The following TTC16 variants were observed in gnomAD, a reference collection of about 807,000 sequenced individuals.
The protein encoded by TTC16 is tetratricopeptide repeat domain 16.
Under a neutral mutation model 80.4 loss-of-function variants are expected in TTC16, and 66 were observed. The ratio of observed to expected loss-of-function variants is 0.82; its 90% CI spans 0.67 to 1.01. The LOEUF (loss-of-function observed/expected upper bound fraction) is 1.01. Ranked by LOEUF, TTC16 falls within the 50% of genes least tolerant of loss-of-function variation. The probability of loss-of-function intolerance (pLI) is 0.00; values close to 1 mark genes in which losing one functional copy is unlikely to be tolerated. For missense variants in TTC16, 1,070 were observed against 1,103.2 expected, an observed-to-expected ratio of 0.97 and a Z score of 0.43; for synonymous variants, 438 against 451.3, an observed-to-expected ratio of 0.97 and a Z score of 0.37.
At chr9:127,725,008 C>T (rs1427749752) in intron 9 of TTC16, 111 bp downstream of exon 9, 3 of 1,310,204 alleles carry the variant, frequency 2.3e-6, no homozygotes, top group Non-Finnish European at 3.0e-6. Context: ...TCCTCGGGGG[C>T]GATGGCTCAT....
Position 127,716,160 on chromosome 9 carries a change from C to G in TTC16, c.15C>G (p.Asp5Glu). The change falls in exon 1 of 14, where the codon GAC (aspartate) becomes GAG (glutamate). Residue 5 changes from aspartate (D) to glutamate (E), a missense_variant. Physicochemically the swap from Asp to Glu is conservative, Grantham distance 45. Coordinates refer to ENST00000373289, the MANE Select transcript of TTC16 (RefSeq NM_144965.3). Reference sequence around the variant, plus strand: ...GAAGGGGCCTCATGACAGATTCGGACGAGGTGCGGGCTTGGGAGAAGACTA... The same window carrying G: ...GAAGGGGCCTCATGACAGATTCGGAGGAGGTGCGGGCTTGGGAGAAGACTA... Reference protein sequence around the residue: MTDSDEDALKVDQGP... With the variant: MTDSEEDALKVDQGP... 1 of 1,613,896 alleles carries G rather than the reference C, an allele frequency of 6.2e-7. No individual in the cohort carries two copies. Among genetic ancestry groups the G allele is most frequent in the East Asian group, 2.2e-5 (1 of 44,884 alleles).
At chr9:127,717,515 A>G in intron 3 of TTC16, 91 bp downstream of exon 3, 1 of 1,569,464 alleles carries the variant, frequency 6.4e-7, no homozygotes, top group Non-Finnish European at 8.7e-7. Context: ...TCTCAGGGCC[A>G]CCAAGTCCCT....
At position 127,723,973 on chromosome 9, in the gene TTC16, CA is replaced by C. The variant is rs1588440858; in HGVS notation, c.873-144del. On this transcript the variant is annotated intron_variant, in intron 7 of 13. Coordinates refer to ENST00000373289, the MANE Select transcript of TTC16 (RefSeq NM_144965.3). ...GCAGTCCAGAGCTGGCCCCACGGGA[CA>C]AACCTAGCAAATGAGGTGGGATCCC... 2.5e-6 allele frequency: 3 copies of C among 1,179,376 alleles called. No homozygotes were observed. In the African/African-American group the frequency reaches 4.7e-5, roughly 18 times the overall value. The allele number at this position is 1,179,376 out of a possible 1,614,324, so 73.1% of individuals were successfully genotyped here.
rs1564373754 is a variant in TTC16, at chr9:127,716,176, GAGA to G, written c.18+17_18+19del. The G allele has an allele frequency of 6.2e-7, 1 of 1,613,926 alleles. No individual in the cohort carries two copies. The highest frequency in any genetic ancestry group is 2.2e-5 in the East Asian group (1 of 44,878). ...AGATTCGGACGAGGTGCGGGCTTGG[GAGA>G]AGACTAACGCAAAGGCAGAGGGCCA... On this transcript the variant is annotated intron_variant, in intron 1 of 13. Transcript: ENST00000373289.
At chr9:127,724,465 G>A in intron 8 of TTC16, 101 bp downstream of exon 8, 1 of 1,454,074 alleles carries the variant, frequency 6.9e-7, no homozygotes, top group Non-Finnish European at 9.3e-7. Flanking sequence ...GAAGGAGGAA[G>A]GGAGAGAGGA....
In TTC16 at chr9:127,723,296, G is replaced by A. The variant is rs776492103; in HGVS notation, c.835G>A (p.Glu279Lys). Residue 279 changes from glutamate to lysine, a missense_variant, in exon 7 of 14, where the codon GAG becomes AAG. Physicochemically the swap from Glu to Lys is moderately conservative, Grantham distance 56. Transcript: ENST00000373289. ...ACTGCAGCGGATCAACCGTGCCATC[G>A]AGAACAACCCTCTGGACCCCAGTCT... ...HALQRINRAIENNPLDPSLFL... is the reference protein window; with the variant it reads ...HALQRINRAIKNNPLDPSLFL... 12 of 1,612,904 alleles carry A rather than the reference G, an allele frequency of 7.4e-6. No homozygotes were observed. Among genetic ancestry groups the A allele is most frequent in the East Asian group, 2.2e-5 (1 of 44,854 alleles).
intron 2 of TTC16, 98 bp from the exon 3 acceptor site, chr9:127,717,236 C>A: frequency 7.6e-7 from 1 of 1,309,006 alleles, no homozygotes; most frequent in Non-Finnish European, 1.1e-6. Flanking sequence ...GCCTCTCCAC[C>A]CAGCTCCCTT....
At position 127,730,624 on chromosome 9, in the gene TTC16, C is replaced by T. The variant is rs369041496; in HGVS notation, c.1853-12C>T. On this transcript the variant is annotated splice_polypyrimidine_tract_variant and intron_variant, in intron 13 of 13. Transcript: ENST00000373289. The stretch of plus-strand genomic sequence containing the variant: ...GCAGGCCTGATGGGTGCTTTTGGCA[C>T]CCCCTTCCTAGTCAGGACCACAGGC... 1.1e-4 allele frequency: 184 copies of T among 1,609,072 alleles called. No individual in the cohort carries two copies. The highest frequency in any genetic ancestry group is 1.5e-4 in the Non-Finnish European group (180 of 1,178,594).
intron 9 of TTC16, 49 bp downstream of exon 9, chr9:127,724,946 G>A: frequency 2.1e-6 from 3 of 1,444,970 alleles, no homozygotes; most frequent in East Asian, 5.1e-5. Context: ...CCGAGGGCAG[G>A]GCGGGCAGGA....
rs768631733 is a variant in TTC16, at chr9:127,730,846, C to T, written c.2063C>T (p.Thr688Ile). The T allele has an allele frequency of 5.0e-6, 8 of 1,613,304 alleles. No homozygotes were observed. In the Admixed American group the frequency reaches 1.2e-4, roughly 24 times the overall value. The change falls in exon 14 of 14, where the codon ACC (threonine) becomes ATC (isoleucine). Residue 688 changes from threonine (T) to isoleucine (I), a missense_variant. Coordinates refer to ENST00000373289, the MANE Select transcript of TTC16 (RefSeq NM_144965.3). Reference protein sequence around the residue: ...QRQSLSKTEPTQSQRRNSSKT... With the variant: ...QRQSLSKTEPIQSQRRNSSKT... ...CAGAGCCTTAGCAAGACTGAGCCCACCCAGAGCCAGAGGCGGAACTCCAGC... is the reference window on the plus strand; with the variant it reads ...CAGAGCCTTAGCAAGACTGAGCCCATCCAGAGCCAGAGGCGGAACTCCAGC...
In TTC16 at chr9:127,716,142, C is replaced by T. The variant is rs113867904; in HGVS notation, c.-4C>T. The T allele has an allele frequency of 7.0e-5, 113 of 1,613,952 alleles. 2 individuals carry two copies. The African/African-American group carries it at 9.9e-4, about 14-fold the overall frequency. On this transcript the variant is annotated 5_prime_UTR_variant, in exon 1 of 14. Coordinates refer to ENST00000373289, the MANE Select transcript of TTC16 (RefSeq NM_144965.3). Reference sequence around the variant, plus strand: ...GGCCTCGGGGTCCTCCTGGAAGGGGCCTCATGACAGATTCGGACGAGGTGC... The same window carrying T: ...GGCCTCGGGGTCCTCCTGGAAGGGGTCTCATGACAGATTCGGACGAGGTGC...
At chr9:127,723,470 T>C in intron 7 of TTC16, 137 bp downstream of exon 7, 1 of 834,486 alleles carries the variant, frequency 1.2e-6, no homozygotes, top group Non-Finnish European at 1.9e-6. Context: ...CCCTACTTCC[T>C]ACTGGGTTAA....
Position 127,731,007 on chromosome 9 carries a change from C to A in TTC16, c.2224C>A (p.Gln742Lys). 1 of 1,613,032 alleles carries A rather than the reference C, an allele frequency of 6.2e-7. No homozygotes were observed. ...SSSKTEATQGQRQSSSEIEAT... is the reference protein window; with the variant it reads ...SSSKTEATQGKRQSSSEIEAT... ...CAGCAAGACTGAGGCCACTCAGGGC[C>A]AGAGGCAGAGCTCCAGCGAGATTGA... Residue 742 changes from glutamine (Q) to lysine (K), a missense_variant, in exon 14 of 14, where the codon CAG becomes AAG. Physicochemically the swap from Gln to Lys is moderately conservative, Grantham distance 53. Transcript: ENST00000373289.
At chr9:127,729,447 T>C (rs555022) in intron 12 of TTC16, 134 bp from the exon 13 acceptor site, 418,657 of 694,674 alleles carry the variant, frequency 0.6, 128,726 homozygotes, top group African/African-American at 0.75. Flanking sequence ...CCCACCCCAC[T>C]CTAACCTGGC....
rs1217028703 is a variant in TTC16, at chr9:127,723,200, A to G, written c.739A>G (p.Met247Val). The G allele has an allele frequency of 6.2e-7, 1 of 1,612,828 alleles. No homozygotes were observed. The highest frequency in any genetic ancestry group is 1.7e-5 in the Admixed American group (1 of 60,026). Reference protein sequence around the residue: ...HPQARMLLQKMVAQAQQARQD... With the variant: ...HPQARMLLQKVVAQAQQARQD... ...GCAGGCCAGGATGCTGCTCCAGAAG[A>G]TGGTGGCCCAGGCCCAGCAGGCGCG... The change falls in exon 7 of 14, where the codon ATG (methionine) becomes GTG (valine). Residue 247 changes from methionine (M) to valine (V), a missense_variant. By Grantham distance (21) the Met-to-Val change is conservative. Transcript: ENST00000373289.
intron 1 of TTC16, 31 bp from the exon 2 acceptor site, chr9:127,716,813 C>A (rs1455466512): frequency 1.3e-6 from 2 of 1,587,260 alleles, no homozygotes; most frequent in Admixed American, 3.4e-5. Context: ...GTCTCGGGGG[C>A]CTGCTCCAGC....
chr9:127,719,858 C>G (rs1461444965), intron 4 of TTC16, among the ~76,000 whole-genome samples: 1 of 151,988 alleles, frequency 6.6e-6, no homozygotes, highest in African/African-American at 2.4e-5. Context: ...CTGTCTCTTG[C>G]CAAGCGTGCA....
chr9:127,716,895 G>C lies in TTC16; in HGVS notation c.70G>C (p.Val24Leu), dbSNP rs1426690926. ...CTCACGGGACATCCCAAAGCCATGG[G>C]TGATTCCAGCCCCCAAAGGGATCCT... ...GPSRDIPKPWVIPAPKGILQH... is the reference protein window; with the variant it reads ...GPSRDIPKPWLIPAPKGILQH... Residue 24 changes from valine (V) to leucine (L), a missense_variant, in exon 2 of 14, where the codon GTG (valine) becomes CTG (leucine). By Grantham distance (32) the Val-to-Leu change is conservative. Coordinates refer to ENST00000373289, the MANE Select transcript of TTC16 (RefSeq NM_144965.3). 6.2e-7 allele frequency: 1 copy of C among 1,614,058 alleles called. No homozygotes were observed. Among genetic ancestry groups the C allele is most frequent in the South Asian group, 1.1e-5 (1 of 91,078 alleles).
chr9:127,731,095 G>C lies in TTC16; in HGVS notation c.2312G>C (p.Arg771Thr), dbSNP rs1844381569. Reference protein sequence around the residue: ...KTKTTRSPRQRPRKVKAARGR... With the variant: ...KTKTTRSPRQTPRKVKAARGR... ...AAGACCACCCGGAGCCCAAGGCAGA[G>C]GCCCAGAAAGGTCAAGGCTGCTCGT... is the stretch of plus-strand genomic sequence containing the variant. Residue 771 changes from arginine (R) to threonine (T), a missense_variant, in exon 14 of 14, where the codon AGG becomes ACG. Transcript: ENST00000373289. 6.2e-7 allele frequency: 1 copy of C among 1,611,804 alleles called. No individual in the cohort carries two copies. Among genetic ancestry groups the C allele is most frequent in the Non-Finnish European group, 8.5e-7 (1 of 1,179,542 alleles).
Sources: gnomAD v4.1 joint callset for allele counts (sites outside exome capture counted in the v4.1 genomes callset) on GRCh38, gnomAD v4.1.1 for gene constraint, MANE v1.5 for transcripts, NCBI Gene and HGNC (gene_info 2026-07-23, HGNC 2026-07-21) for gene names.